TENM1: variants seen among roughly 807,000 people sequenced by gnomAD.
The protein encoded by TENM1 is teneurin transmembrane protein 1.
Under a neutral mutation model 174.8 loss-of-function variants are expected in TENM1, and 35 were observed. The observed-to-expected ratio is 0.20, with a 90% CI of 0.15 to 0.27. The LOEUF (loss-of-function observed/expected upper bound fraction) is 0.27. Ranked by LOEUF, TENM1 falls within the 10% of genes least tolerant of loss-of-function variation. The probability of loss-of-function intolerance (pLI) is 1.00; values close to 1 mark genes in which losing one functional copy is unlikely to be tolerated. For synonymous variants in TENM1, 781 were observed against 798.7 expected (o/e 0.98, Z 0.37); for missense variants, 1,633 against 2,130.1 (o/e 0.77, Z 4.59).
the TENM1 span, among the ~76,000 whole-genome samples, chrX:125,165,364 T>G: frequency 8.9e-6 from 1 of 111,955 alleles, no homozygotes; most frequent in Non-Finnish European, 1.9e-5. Flanking sequence ...TACAGACACA[T>G]GTATATGCAG....
At chrX:124,408,403 C>T (rs2060487704) in intron 25 of TENM1, among the ~76,000 whole-genome samples, 1 of 111,683 alleles carries the variant, frequency 9.0e-6, no homozygotes, top group Non-Finnish European at 1.9e-5. Context: ...CTCAGCCTCC[C>T]AAAGTGCTGG....
chrX:124,677,432 A>G (rs143717064), intron 5 of TENM1, among the ~76,000 whole-genome samples: 1,155 of 111,381 alleles, frequency 0.01, 9 homozygotes, highest in African/African-American at 0.035. Context: ...CATTGCTGAT[A>G]GGAGTGTACA....
At chrX:124,542,305 C>T (rs1236301403) in intron 15 of TENM1, among the ~76,000 whole-genome samples, 1 of 112,394 alleles carries the variant, frequency 8.9e-6, no homozygotes, top group African/African-American at 3.2e-5. Flanking sequence ...CCTTACAGAA[C>T]TTAAGATTTA....
At chrX:124,646,678 T>C in intron 9 of TENM1, 31 bp downstream of exon 12, 1 of 1,054,402 alleles carries the variant, frequency 9.5e-7, no homozygotes, top group Non-Finnish European at 1.3e-6. Context: ...TCTATTTTCC[T>C]AAACCAATCA....
chrX:125,140,290 T>C, the TENM1 span, among the ~76,000 whole-genome samples: 1 of 111,870 alleles, frequency 8.9e-6, no homozygotes, highest in African/African-American at 3.2e-5. Context: ...TGCAGAAACA[T>C]GGATGGAACT....
intron 11 of TENM1, among the ~76,000 whole-genome samples, chrX:124,625,889 A>T (rs1215615396): frequency 4.5e-5 from 5 of 111,094 alleles, no homozygotes; most frequent in Non-Finnish European, 9.4e-5. Context: ...CTGCAATTCT[A>T]CATGAGATTT....
chrX:125,198,861 C>G, the TENM1 span, among the ~76,000 whole-genome samples: 1,809 of 108,974 alleles, frequency 0.017, 47 homozygotes, highest in African/African-American at 0.058. Context: ...TGAATCAGTA[C>G]AGTGGGCAGG....
the TENM1 span, among the ~76,000 whole-genome samples, chrX:125,105,401 A>G: frequency 9.0e-6 from 1 of 111,445 alleles, no homozygotes; most frequent in African/African-American, 3.3e-5. Context: ...CATCTCGTGA[A>G]GAGTATGTTG....
At chrX:124,960,854 A>G (rs945372325) in intron 1 of TENM1, among the ~76,000 whole-genome samples, 9 of 112,164 alleles carry the variant, frequency 8.0e-5, no homozygotes, top group African/African-American at 2.9e-4. Context: ...AAACATTTCC[A>G]TAGGAAATAA....
At chrX:125,041,970 T>C in the TENM1 span, among the ~76,000 whole-genome samples, 509 of 112,122 alleles carry the variant, frequency 4.5e-3, 2 homozygotes, top group African/African-American at 0.014. Flanking sequence ...GCAATGCTTA[T>C]ATAAATACAG....
intron 25 of TENM1, among the ~76,000 whole-genome samples, chrX:124,410,411 A>C (rs2060519116): frequency 1.8e-5 from 2 of 112,196 alleles, no homozygotes; most frequent in African/African-American, 6.5e-5. Flanking sequence ...TAAAACCATA[A>C]AAAACCCTAG....
Position 124,698,722 on chromosome X carries a change from A to C in TENM1, c.1015+6291T>G, listed in dbSNP as rs1201029629. 1.5e-4 allele frequency among the ~76,000 whole-genome samples: 17 copies of C among 111,683 alleles called. 1 individual carries two copies. On this transcript the variant is annotated intron_variant, in intron 5 of 31. Coordinates refer to ENST00000422452, the Ensembl canonical transcript of TENM1. ...TGCCTTCCATAATCAGCTCCTGCTTACCGTCTTCATTTCCTGCCACCTTTC... is the reference window on the plus strand; with the variant it reads ...TGCCTTCCATAATCAGCTCCTGCTTCCCGTCTTCATTTCCTGCCACCTTTC...
the TENM1 span, among the ~76,000 whole-genome samples, chrX:125,009,097 GT>G: frequency 0.026 from 1,931 of 74,040 alleles, 60 homozygotes; most frequent in African/African-American, 0.085. Flanking sequence ...TCCAGGAGCT[GT>G]TTTTTTTTTT....
rs945838286 is a variant in TENM1, at chrX:124,830,079, T to C, written c.535+64217A>G. Among the ~76,000 whole-genome samples, 14 of 111,666 alleles carry C rather than the reference T, an allele frequency of 1.3e-4. No homozygotes were observed. The Admixed American group carries it at 1.3e-3, about 11-fold the overall frequency. Reference sequence around the variant, plus strand: ...ATATAACATCTCCCAGGGGAGTTTATTTGCATTAGTTAATTGAATAGAAAG... The same window carrying C: ...ATATAACATCTCCCAGGGGAGTTTACTTGCATTAGTTAATTGAATAGAAAG... On this transcript the variant is annotated intron_variant, in intron 3 of 31. Transcript: ENST00000422452.
chrX:124,522,056 C>T lies in TENM1; in HGVS notation c.3034-1272G>A, dbSNP rs2047861433. 4.5e-5 allele frequency among the ~76,000 whole-genome samples: 5 copies of T among 111,879 alleles called. No homozygotes were observed. The Admixed American group carries it at 4.7e-4, about 11-fold the overall frequency. Reference sequence around the variant, plus strand: ...CTAAATAAGCCTGGAAACTTTCGTGCTGAAAGAAGACCCGTACTTCCTAAT... The same window carrying T: ...CTAAATAAGCCTGGAAACTTTCGTGTTGAAAGAAGACCCGTACTTCCTAAT... On this transcript the variant is annotated intron_variant, in intron 17 of 31. Coordinates refer to ENST00000422452, the Ensembl canonical transcript of TENM1.
rs757676481 is a variant in TENM1 at position 124,491,012 on chromosome X, C to T, written c.3696-3783G>A. 3.6e-5 allele frequency among the ~76,000 whole-genome samples: 4 copies of T among 112,048 alleles called. 1 individual carries two copies. The highest frequency in any genetic ancestry group is 1.3e-4 in the African/African-American group (4 of 30,890). On this transcript the variant is annotated intron_variant, in intron 20 of 31. Transcript: ENST00000422452. ...GTTGAAGGACTTGTAGATGTTTAGACTGAGGAAGATAAAGCTCAGGAACCT... is the reference window on the plus strand; with the variant it reads ...GTTGAAGGACTTGTAGATGTTTAGATTGAGGAAGATAAAGCTCAGGAACCT...
chrX:124,937,411 A>G (rs1309195259), intron 1 of TENM1, among the ~76,000 whole-genome samples: 1 of 111,750 alleles, frequency 8.9e-6, no homozygotes, highest in African/African-American at 3.2e-5. Context: ...AATAGTGCTT[A>G]TTGCAATGCT....
chrX:124,562,609 T>TA (rs1569309401), intron 13 of TENM1, among the ~76,000 whole-genome samples: 1 of 112,706 alleles, frequency 8.9e-6, no homozygotes, highest in African/African-American at 3.2e-5. Flanking sequence ...GATAAAGCAT[T>TA]AACACTGACA....
chrX:124,668,153 G>A lies in TENM1; in HGVS notation c.1168+3530C>T, dbSNP rs763969140. The stretch of plus-strand genomic sequence containing the variant: ...TTTGTTTCAGTTCTTTGTAGATTCT[G>A]GATATTAGCCCTTTAGAATGGCGAT... On this transcript the variant is annotated intron_variant, in intron 6 of 31. Transcript: ENST00000422452. Among the ~76,000 whole-genome samples, 504 of 111,342 alleles carry A rather than the reference G, an allele frequency of 4.5e-3. 2 individuals are homozygous for A. The highest frequency in any genetic ancestry group is 0.016 in the African/African-American group (488 of 30,561).
Sources: gnomAD v4.1 joint callset for allele counts (sites outside exome capture counted in the v4.1 genomes callset) on GRCh38, gnomAD v4.1.1 for gene constraint, MANE v1.5 for transcripts, NCBI Gene and HGNC (gene_info 2026-07-23, HGNC 2026-07-21) for gene names.